The following SNTG1 variants were observed in gnomAD, a reference collection of about 807,000 sequenced individuals.
SNTG1 encodes gamma-1-syntrophin.
A neutral mutation model predicts 74.7 loss-of-function variants in SNTG1; 39 were observed. The observed-to-expected ratio is 0.52, with a 90% CI of 0.40 to 0.68. SNTG1 has a LOEUF of 0.68. Among genes scored for constraint, SNTG1 ranks in the 30% least tolerant of loss-of-function variants. SNTG1 has a pLI of 0.00. For missense variants in SNTG1, 685 were observed against 609.5 expected (o/e 1.12, Z -1.30); for synonymous variants, 254 against 217.1 (o/e 1.17, Z -1.49).
At chr8:50,389,212 C>T (rs79082858) in intron 2 of SNTG1, among the ~76,000 whole-genome samples, 7,078 of 152,160 alleles carry the variant, frequency 0.047, 233 homozygotes, top group Non-Finnish European at 0.073. Context: ...TATGAATGAA[C>T]GTAAAATAAA....
intron 11 of SNTG1, among the ~76,000 whole-genome samples, chr8:50,538,754 T>C (rs2094325717): frequency 1.3e-5 from 2 of 152,150 alleles, no homozygotes; most frequent in African/African-American, 4.8e-5. Flanking sequence ...TTGACCTTTA[T>C]TCCTTCAAAC....
At chr8:50,273,517 C>T (rs191796289) in intron 2 of SNTG1, among the ~76,000 whole-genome samples, 139 of 152,212 alleles carry the variant, frequency 9.1e-4, no homozygotes, top group Non-Finnish European at 1.6e-3. Context: ...TAGTAAGATG[C>T]TGTGTGTAGG....
At chr8:50,349,478 CCTT>C (rs1248993719) in intron 2 of SNTG1, among the ~76,000 whole-genome samples, 2 of 151,904 alleles carry the variant, frequency 1.3e-5, no homozygotes, top group Non-Finnish European at 2.9e-5. Context: ...TTTAATCTCT[CCTT>C]ATTTTTTCAG....
intron 1 of SNTG1, among the ~76,000 whole-genome samples, chr8:50,107,256 A>G (rs1481250580): frequency 1.3e-5 from 2 of 152,220 alleles, no homozygotes; most frequent in East Asian, 3.9e-4. Flanking sequence ...CTTGGGCAAC[A>G]TGAAAGAATA....
intron 17 of SNTG1, among the ~76,000 whole-genome samples, chr8:50,718,249 A>C (rs2095479417): frequency 6.6e-6 from 1 of 152,192 alleles, no homozygotes; most frequent in South Asian, 2.1e-4. Context: ...GACTTGACAG[A>C]ACACTGACAG....
intron 2 of SNTG1, among the ~76,000 whole-genome samples, chr8:50,253,852 TAA>T (rs558699850): frequency 7.2e-5 from 10 of 139,432 alleles, no homozygotes; most frequent in African/African-American, 2.7e-4. Context: ...ATGTAGAATC[TAA>T]AAAAAAAAAA....
intron 1 of SNTG1, among the ~76,000 whole-genome samples, chr8:49,977,113 T>G (rs1812265948): frequency 6.6e-6 from 1 of 151,904 alleles, no homozygotes; most frequent in Non-Finnish European, 1.5e-5. Context: ...AGAGGGAAGG[T>G]GGGTGGGAAG....
At chr8:50,610,986 T>A (rs1585840845) in intron 13 of SNTG1, among the ~76,000 whole-genome samples, 1 of 145,674 alleles carries the variant, frequency 6.9e-6, no homozygotes, top group South Asian at 2.2e-4. Flanking sequence ...CAAAAAAAAA[T>A]TAAACTTTTA....
At chr8:50,276,395 AT>A (rs2088110141) in intron 2 of SNTG1, among the ~76,000 whole-genome samples, 5 of 81,860 alleles carry the variant, frequency 6.1e-5, no homozygotes, top group Admixed American at 2.8e-4. Context: ...ATATATATAT[AT>A]ATATATATAT....
chr8:50,042,705 T>A (rs1395786046), intron 1 of SNTG1, among the ~76,000 whole-genome samples: 2 of 151,768 alleles, frequency 1.3e-5, no homozygotes, highest in African/African-American at 4.8e-5. Context: ...TACAGGCACA[T>A]GCTGACATGC....
At chr8:50,139,599 T>G (rs2081590740) in intron 1 of SNTG1, among the ~76,000 whole-genome samples, 1 of 152,228 alleles carries the variant, frequency 6.6e-6, no homozygotes, top group Admixed American at 6.5e-5. Flanking sequence ...CAGTGAAAAC[T>G]TAAAAGACTA....
intron 8 of SNTG1, among the ~76,000 whole-genome samples, chr8:50,466,378 C>T (rs1330839742): frequency 6.6e-6 from 1 of 151,880 alleles, no homozygotes; most frequent in Non-Finnish European, 1.5e-5. Flanking sequence ...TATTTCTGGT[C>T]TTTTTGTTCT....
At chr8:50,672,721 T>A (rs1215751841) in intron 15 of SNTG1, among the ~76,000 whole-genome samples, 1 of 152,230 alleles carries the variant, frequency 6.6e-6, no homozygotes, top group Non-Finnish European at 1.5e-5. Context: ...TTGGCTTTTG[T>A]TGCAATTGCT....
intron 5 of SNTG1, among the ~76,000 whole-genome samples, chr8:50,446,980 T>A (rs2093413683): frequency 6.6e-6 from 1 of 152,108 alleles, no homozygotes; most frequent in Admixed American, 6.6e-5. Flanking sequence ...CAATAACTAA[T>A]AATAAAATGG....
intron 12 of SNTG1, among the ~76,000 whole-genome samples, chr8:50,583,765 TTTC>T (rs1563610045): frequency 6.6e-6 from 1 of 151,968 alleles, no homozygotes; most frequent in Admixed American, 6.6e-5. Flanking sequence ...AGATTTGTTT[TTTC>T]TTTTCTTTTT....
intron 2 of SNTG1, among the ~76,000 whole-genome samples, chr8:50,287,789 C>T (rs2088866681): frequency 6.6e-6 from 1 of 152,140 alleles, no homozygotes; most frequent in Admixed American, 6.6e-5. Context: ...CATCTATCTC[C>T]TCATGGTAGA....
chr8:50,366,899 A>T (rs2131115390), intron 2 of SNTG1, among the ~76,000 whole-genome samples: 1 of 146,890 alleles, frequency 6.8e-6, no homozygotes, highest in South Asian at 2.1e-4. Flanking sequence ...CTTAAATAAT[A>T]CTATATAATA....
At chr8:50,309,385 T>TA (rs2090022116) in intron 2 of SNTG1, among the ~76,000 whole-genome samples, 12 of 151,674 alleles carry the variant, frequency 7.9e-5, no homozygotes, top group Non-Finnish European at 4.4e-5. Flanking sequence ...CACTGTTCTG[T>TA]AAAAATGTAC....
chr8:50,619,964 C>T (rs1358488446), intron 13 of SNTG1, among the ~76,000 whole-genome samples: 2 of 150,604 alleles, frequency 1.3e-5, no homozygotes, highest in Non-Finnish European at 2.9e-5. Context: ...GCAGCCATAT[C>T]AAATTGACAC....
Sources: allele counts gnomAD v4.1 joint callset (sites outside exome capture counted in the v4.1 genomes callset), GRCh38; gene constraint gnomAD v4.1.1; transcripts MANE v1.5; gene names NCBI Gene and HGNC (gene_info 2026-07-23, HGNC 2026-07-21).